VSX1: variants seen among roughly 807,000 people sequenced by gnomAD.
The protein encoded by VSX1 is homeodomain protein RINX.
Under a neutral mutation model 23.6 loss-of-function variants are expected in VSX1, and 23 were observed. The observed-to-expected ratio is 0.97, with a 90% CI of 0.70 to 1.38. The LOEUF (loss-of-function observed/expected upper bound fraction) is 1.38. VSX1 is among the 40% of genes most tolerant of loss of function. The probability of loss-of-function intolerance (pLI) is 0.00; values close to 1 mark genes in which losing one functional copy is unlikely to be tolerated. For missense variants in VSX1, 517 were observed against 495.4 expected, an observed-to-expected ratio of 1.04 and a Z score of -0.41; for synonymous variants, 247 against 215.1, an observed-to-expected ratio of 1.15 and a Z score of -1.30.
chr20:25,072,412 G>T (rs140980310), downstream of VSX1: 496 of 430,880 alleles, frequency 1.2e-3, 3 homozygotes, highest in African/African-American at 9.4e-3. Flanking sequence ...CTGTCCACAC[G>T]TGTGTGTGCT....
At position 25,075,983 on chromosome 20, in the gene VSX1, C is replaced by T. The variant is rs1199884762; in HGVS notation, c.*278G>A. On this transcript the variant is annotated 3_prime_UTR_variant, in exon 5 of 5. Transcript: ENST00000376709. Reference sequence around the variant, plus strand: ...CAGCAGTGAAATCATTTTTGAACTTCGGATCCTCCCTGCTCAAGCTACAAA... The same window carrying T: ...CAGCAGTGAAATCATTTTTGAACTTTGGATCCTCCCTGCTCAAGCTACAAA... 2.0e-5 allele frequency: 10 copies of T among 499,024 alleles called. No homozygotes were observed. Among genetic ancestry groups the T allele is most frequent in the East Asian group, 3.8e-5 (1 of 26,386 alleles). The allele number at this position is 499,024 out of a possible 1,614,324, so 30.9% of individuals were successfully genotyped here.
intron 4 of VSX1, among the ~76,000 whole-genome samples, chr20:25,077,354 G>T (rs966316866): frequency 1.3e-5 from 2 of 152,158 alleles, no homozygotes; most frequent in Non-Finnish European, 2.9e-5. Context: ...GCCCTAAATT[G>T]TATGGTTTCT....
rs897592861 is a variant in VSX1, at chr20:25,081,853, G to A, written c.244C>T (p.Leu82Phe). The stretch of plus-strand genomic sequence containing the variant: ...GTGCCGAAGCCACAGAGGAGGCCGA[G>A]TCCCAGCGGTAGGGCCCCACGCGCC... The part of the protein sequence containing the change: ...SLARGALPLG[L>F]GLLCGFGTQP... Residue 82 changes from leucine to phenylalanine, a missense_variant, in exon 1 of 5, where the codon CTC (leucine) becomes TTC (phenylalanine). Leu to Phe is a conservative substitution (Grantham distance 22, BLOSUM62 0). Coordinates refer to ENST00000376709, the MANE Select transcript of VSX1 (RefSeq NM_014588.6). 20 of 1,521,724 alleles carry A rather than the reference G, an allele frequency of 1.3e-5. No individual in the cohort carries two copies. Among genetic ancestry groups the A allele is most frequent in the African/African-American group, 2.8e-5 (2 of 70,776 alleles). 94.3% of individuals were successfully genotyped at this position (1,521,724 alleles called of 1,614,324 possible).
intron 2 of VSX1, 126 bp downstream of exon 2, chr20:25,079,310 C>T (rs2089587294): frequency 2.0e-6 from 2 of 976,758 alleles, no homozygotes; most frequent in Admixed American, 5.6e-5. Context: ...GTGCCCTTCC[C>T]ATTGCCAACC....
chr20:25,081,988 G>T lies in VSX1; in HGVS notation c.109C>A (p.Leu37Met). The change falls in exon 1 of 5, where the codon CTG becomes ATG. Residue 37 changes from leucine to methionine, a missense_variant. Physicochemically the swap from Leu to Met is conservative, Grantham distance 15 (BLOSUM62 2). Coordinates refer to ENST00000376709, the MANE Select transcript of VSX1 (RefSeq NM_014588.6). ...RPRGFAITDL[L>M]GLEAELPAPA... ...GCCGGCAGCTCGGCCTCCAAGCCCA[G>T]CAGGTCCGTGATGGCGAAGCCCCGG... The T allele has an allele frequency of 6.5e-7, 1 of 1,534,120 alleles. No homozygotes were observed.
downstream of VSX1, chr20:25,072,440 C>G: frequency 2.2e-6 from 1 of 451,688 alleles, no homozygotes; most frequent in Non-Finnish European, 4.6e-6. Flanking sequence ...CCTATTCCTG[C>G]TGCATGGGTC....
intron 2 of VSX1, 106 bp from the exon 3 acceptor site, chr20:25,079,058 G>A: frequency 7.4e-7 from 1 of 1,352,422 alleles, no homozygotes. Context: ...CCAGACCCTA[G>A]AAGCCACTTC....
intron 1 of VSX1, 200 bp downstream of exon 1, chr20:25,081,473 G>A (rs958674497): frequency 1.2e-6 from 1 of 865,498 alleles, no homozygotes; most frequent in Non-Finnish European, 2.0e-6. Context: ...CCCCGGATGA[G>A]AGGCAGGGAT....
Position 25,081,881 on chromosome 20 carries a change from G to T in VSX1, c.216C>A (p.Ser72Arg). ...CCAGCGGTAGGGCCCCACGCGCCAG[G>T]CTGGAGCCGTCAAGCCCCGGGCCCG... is the stretch of plus-strand genomic sequence containing the variant. ...PCPGPGLDGS[S>R]LARGALPLGL... The change falls in exon 1 of 5, where the codon AGC (serine) becomes AGA (arginine). Residue 72 changes from serine to arginine, a missense_variant. By Grantham distance (110) the Ser-to-Arg change is moderately radical. Transcript: ENST00000376709. The T allele has an allele frequency of 2.0e-6, 3 of 1,527,936 alleles. No individual in the cohort carries two copies. Among genetic ancestry groups the T allele is most frequent in the Non-Finnish European group, 2.6e-6 (3 of 1,144,002 alleles). 94.6% of individuals were successfully genotyped at this position (1,527,936 alleles called of 1,614,324 possible). A position where few individuals can be genotyped will look rare whatever the true frequency, so the allele number is the denominator to read the frequency against.
At chr20:25,072,813 A>G (rs2089407395), downstream of VSX1, among the ~76,000 whole-genome samples, 1 of 152,194 alleles carries the variant, frequency 6.6e-6, no homozygotes, top group Non-Finnish European at 1.5e-5. Flanking sequence ...GAATGTCCTC[A>G]AGTCCTGAGA....
downstream of VSX1, among the ~76,000 whole-genome samples, chr20:25,074,499 A>G (rs1054417752): frequency 2.0e-5 from 3 of 152,004 alleles, no homozygotes; most frequent in East Asian, 1.9e-4. Flanking sequence ...TTACATAGAG[A>G]TTTGTCCACT....
chr20:25,080,319 A>C (rs2089612859), intron 1 of VSX1, among the ~76,000 whole-genome samples: 1 of 152,238 alleles, frequency 6.6e-6, no homozygotes, highest in Non-Finnish European at 1.5e-5. Flanking sequence ...AGTTCACCAG[A>C]AACCTGGCTT....
chr20:25,072,048 A>G (rs1025716116), downstream of VSX1: 2 of 616,738 alleles, frequency 3.2e-6, no homozygotes, highest in African/African-American at 1.9e-5. Flanking sequence ...TTTCACAACA[A>G]CTCTTGCATA....
At chr20:25,080,008 C>T (rs374827407) in intron 1 of VSX1, among the ~76,000 whole-genome samples, 29 of 152,268 alleles carry the variant, frequency 1.9e-4, no homozygotes, top group African/African-American at 6.0e-4. Flanking sequence ...TCAGAACCCT[C>T]GTCAGAACTG....
chr20:25,079,501 C>T lies in VSX1; in HGVS notation c.438G>A (p.Gln146=). 6.2e-7 allele frequency: 1 copy of T among 1,612,266 alleles called. No individual in the cohort carries two copies. Among genetic ancestry groups the T allele is most frequent in the Non-Finnish European group, 8.5e-7 (1 of 1,179,236 alleles). Residue 146 remains glutamine (Q), a synonymous_variant, in exon 2 of 5, where the codon CAG becomes CAA. Transcript: ENST00000376709. ...CCTTTAGGTCATTCCTGTCTTCAGACTGGCTGTCCTCATCTGATGGCACAG... is the reference window on the plus strand; with the variant it reads ...CCTTTAGGTCATTCCTGTCTTCAGATTGGCTGTCCTCATCTGATGGCACAG... ...DSVSTSDEDS[Q]SEDRNDLKAS... is the part of the protein sequence containing the mutation.
intron 1 of VSX1, chr20:25,081,362 A>T: frequency 3.1e-6 from 2 of 648,066 alleles, no homozygotes; most frequent in East Asian, 3.3e-5. Context: ...CTGGGGGGAA[A>T]AATGGCCCTC....
intron 2 of VSX1, 58 bp from the exon 3 acceptor site, chr20:25,079,010 C>T: frequency 6.2e-7 from 1 of 1,609,706 alleles, no homozygotes; most frequent in Non-Finnish European, 8.5e-7. Flanking sequence ...AGCAGCCTCC[C>T]TGGCCTTAAG....
At chr20:25,074,906 C>G (rs750190026), downstream of VSX1, among the ~76,000 whole-genome samples, 2 of 152,174 alleles carry the variant, frequency 1.3e-5, no homozygotes, top group Non-Finnish European at 2.9e-5. Flanking sequence ...AGAAGAACTT[C>G]TAGAGTTCAT....
intron 3 of VSX1, chr20:25,078,469 A>T (rs754142038): frequency 3.6e-6 from 4 of 1,123,854 alleles, no homozygotes; most frequent in Non-Finnish European, 4.6e-6. Flanking sequence ...GGCAGATAAT[A>T]TACTCCACAA....
Sources: gnomAD v4.1 joint callset for allele counts (sites outside exome capture counted in the v4.1 genomes callset) on GRCh38, gnomAD v4.1.1 for gene constraint, MANE v1.5 for transcripts, NCBI Gene and HGNC (gene_info 2026-07-23, HGNC 2026-07-21) for gene names.